The following GABRA2 variants were observed in gnomAD, a reference collection of about 807,000 sequenced individuals.
GABRA2 encodes gamma-aminobutyric acid receptor subunit alpha-2.
GABRA2 carries 16 observed loss-of-function variants against 48.7 expected under a neutral mutation model. The observed-to-expected ratio is 0.33, with a 90% confidence interval of 0.22 to 0.50. The LOEUF (loss-of-function observed/expected upper bound fraction) is 0.50, where lower values mean the gene tolerates loss of function less well. Ranked by LOEUF, GABRA2 falls within the 20% of genes least tolerant of loss-of-function variation. The pLI, the probability that GABRA2 is intolerant of heterozygous loss-of-function variation, is 0.98. For synonymous variants in GABRA2, 185 were observed against 184.5 expected, an observed-to-expected ratio of 1.00 and a Z score of -0.02; for missense variants, 275 against 535.6, an observed-to-expected ratio of 0.51 and a Z score of 4.80.
At chr4:46,380,856 G>A (rs573586533) in intron 3 of GABRA2, among the ~76,000 whole-genome samples, 4 of 152,074 alleles carry the variant, frequency 2.6e-5, no homozygotes, top group South Asian at 2.1e-4. Context: ...TAAAATCCAT[G>A]GAAACATGTT....
At position 46,261,963 on chromosome 4, in the gene GABRA2, C is replaced by A; in HGVS notation, c.1022G>T (p.Gly341Val). Residue 341 changes from glycine (G) to valine (V), a missense_variant, in exon 9 of 10, where the codon GGA (glycine) becomes GTA (valine). Gly to Val is a moderately radical substitution (Grantham distance 109). This residue lies in a region of GABRA2 where 24 missense variants were observed against 113.8 expected (regional missense o/e 0.21). Transcript: ENST00000381620. ...FATVNYFTKRGWAWDGKSVVN... is the reference protein window; with the variant it reads ...FATVNYFTKRVWAWDGKSVVN... The stretch of plus-strand genomic sequence containing the variant: ...TACACTCTTCCCATCCCAAGCCCAT[C>A]CTCTTTTGGTGAAGTAATTAACAGT... The A allele has an allele frequency of 6.2e-7, 1 of 1,613,876 alleles. No homozygotes were observed. Among genetic ancestry groups the A allele is most frequent in the Non-Finnish European group, 8.5e-7 (1 of 1,179,866 alleles).
chr4:46,381,359 A>G (rs1716732908), intron 3 of GABRA2, among the ~76,000 whole-genome samples: 1 of 152,200 alleles, frequency 6.6e-6, no homozygotes, highest in South Asian at 2.1e-4. Flanking sequence ...AATTGAAGAC[A>G]AAGAGAAGAC....
chr4:46,270,024 A>G (rs1337819757), intron 8 of GABRA2, among the ~76,000 whole-genome samples: 1 of 151,960 alleles, frequency 6.6e-6, no homozygotes. Flanking sequence ...AACATTTACA[A>G]TAAAATGTAA....
chr4:46,330,695 A>G (rs1731207951), intron 4 of GABRA2, among the ~76,000 whole-genome samples: 1 of 151,716 alleles, frequency 6.6e-6, no homozygotes, highest in Non-Finnish European at 1.5e-5. Flanking sequence ...TTACAACATG[A>G]AAAAACTACA....
intron 4 of GABRA2, among the ~76,000 whole-genome samples, chr4:46,320,985 G>A (rs536952769): frequency 1.4e-4 from 22 of 151,958 alleles, no homozygotes; most frequent in South Asian, 8.3e-4. Context: ...CTAAGTGTCC[G>A]TCAATGCATG....
chr4:46,368,848 C>G lies in GABRA2; in HGVS notation c.187+17226G>C, dbSNP rs564653117. On this transcript the variant is annotated intron_variant, in intron 3 of 9. Coordinates refer to ENST00000381620, the MANE Select transcript of GABRA2 (RefSeq NM_000807.4). The stretch of plus-strand genomic sequence containing the variant: ...GTGGCAATGATCAGATAAAACTCAA[C>G]CCCCTTCATACAAGAAATGTGCTCT... The G allele has an allele frequency of 1.9e-3, 907 of 476,426 alleles. 3 individuals carry two copies. The highest frequency in any genetic ancestry group is 3.1e-3 in the Non-Finnish European group (808 of 264,176). 29.5% of individuals were successfully genotyped at this position (476,426 alleles called of 1,614,324 possible).
rs1713906685 is a variant in GABRA2 at position 46,247,332 on chromosome 4, A to G, written c.*2976T>C. Reference sequence around the variant, plus strand: ...CACTAGTGGCATCATAGCTCATTAAAGAACTCCCAGTACTAAATTAATTTA... The same window carrying G: ...CACTAGTGGCATCATAGCTCATTAAGGAACTCCCAGTACTAAATTAATTTA... On this transcript the variant is annotated 3_prime_UTR_variant, in exon 10 of 10. Coordinates refer to ENST00000381620, the MANE Select transcript of GABRA2 (RefSeq NM_000807.4). Among the ~76,000 whole-genome samples, 1 of 151,230 alleles carries G rather than the reference A, an allele frequency of 6.6e-6. No homozygotes were observed. The highest frequency in any genetic ancestry group is 2.1e-4 in the South Asian group (1 of 4,834).
chr4:46,326,053 G>C (rs1478355335), intron 4 of GABRA2, among the ~76,000 whole-genome samples: 1 of 151,848 alleles, frequency 6.6e-6, no homozygotes, highest in African/African-American at 2.4e-5. Flanking sequence ...GGCTATTCAG[G>C]CTCTTACTTT....
intron 4 of GABRA2, among the ~76,000 whole-genome samples, chr4:46,320,879 A>G (rs1457736347): frequency 6.6e-6 from 1 of 151,946 alleles, no homozygotes; most frequent in Non-Finnish European, 1.5e-5. Context: ...TCTGTTAGGT[A>G]TATACCCAAG....
At chr4:46,341,779 G>A (rs1733285317) in intron 3 of GABRA2, among the ~76,000 whole-genome samples, 1 of 151,738 alleles carries the variant, frequency 6.6e-6, no homozygotes, top group Non-Finnish European at 1.5e-5. Flanking sequence ...GAATAGGTTT[G>A]AGGTTTTAAA....
At chr4:46,351,423 CTTTAA>C (rs1277539361) in intron 3 of GABRA2, among the ~76,000 whole-genome samples, 3 of 151,956 alleles carry the variant, frequency 2.0e-5, no homozygotes, top group Non-Finnish European at 2.9e-5. Flanking sequence ...GAAATATTCT[CTTTAA>C]TTTAATGCAA....
chr4:46,250,405 A>T lies in GABRA2; in HGVS notation c.1259T>A (p.Met420Lys). 6.2e-7 allele frequency: 1 copy of T among 1,611,748 alleles called. No individual in the cohort carries two copies. The highest frequency in any genetic ancestry group is 8.5e-7 in the Non-Finnish European group (1 of 1,178,488). Reference sequence around the variant, plus strand: ...CAAAACTGGAAAAACTATTCTGGACATTCTGTCAATTTTGCTAACACTGTT... The same window carrying T: ...CAAAACTGGAAAAACTATTCTGGACTTTCTGTCAATTTTGCTAACACTGTT... ...TFNSVSKIDR[M>K]SRIVFPVLFG... Residue 420 changes from methionine (M) to lysine (K), a missense_variant, in exon 10 of 10, where the codon ATG (methionine) becomes AAG (lysine). This residue lies in a region of GABRA2 where 99 missense variants were observed against 124.3 expected (regional missense o/e 0.80). Transcript: ENST00000381620.
At chr4:46,259,539 G>A (rs1273145409) in intron 9 of GABRA2, among the ~76,000 whole-genome samples, 3 of 151,880 alleles carry the variant, frequency 2.0e-5, no homozygotes, top group Non-Finnish European at 4.4e-5. Context: ...TATGTCGAGT[G>A]TGCACATGTA....
At chr4:46,348,703 C>T (rs569360941) in intron 3 of GABRA2, among the ~76,000 whole-genome samples, 11 of 143,206 alleles carry the variant, frequency 7.7e-5, no homozygotes, top group Non-Finnish European at 1.5e-4. Flanking sequence ...CATGTTCTCA[C>T]TCATAGGTGG....
chr4:46,379,784 A>C (rs1374486163), intron 3 of GABRA2, among the ~76,000 whole-genome samples: 1 of 152,188 alleles, frequency 6.6e-6, no homozygotes, highest in African/African-American at 2.4e-5. Context: ...CTTTTCAAAG[A>C]AGCAGAAGCT....
chr4:46,359,414 G>T (rs923815964), intron 3 of GABRA2, among the ~76,000 whole-genome samples: 2 of 152,032 alleles, frequency 1.3e-5, no homozygotes, highest in Non-Finnish European at 2.9e-5. Flanking sequence ...CTCAAGAAAA[G>T]ATACTATCAG....
intron 8 of GABRA2, among the ~76,000 whole-genome samples, chr4:46,287,720 G>A (rs1360707719): frequency 1.3e-5 from 2 of 151,380 alleles, no homozygotes; most frequent in Admixed American, 1.3e-4. Context: ...CATGGCACAT[G>A]TATACGTATG....
At chr4:46,328,286 GTGTGTGTGTGCGCACACGCA>G (rs1401918165) in intron 4 of GABRA2, among the ~76,000 whole-genome samples, 16 of 122,328 alleles carry the variant, frequency 1.3e-4, no homozygotes, top group Admixed American at 2.6e-4. Context: ...GTGTGTGTGT[GTGTGTGTGTGCGCACACGCA>G]TGTGTGTGTG....
chr4:46,389,126 A>G, intron 1 of GABRA2: 1 of 997,606 alleles, frequency 1.0e-6, no homozygotes. Flanking sequence ...AGAGGAGAGG[A>G]GAGATGGGTA....
Sources: gnomAD v4.1 joint callset for allele counts (sites outside exome capture counted in the v4.1 genomes callset) on GRCh38, gnomAD v4.1.1 for gene constraint, gnomAD v4.1.1 regional missense constraint, MANE v1.5 for transcripts, NCBI Gene and HGNC (gene_info 2026-07-23, HGNC 2026-07-21) for gene names.